Variants in HERC2 observed in about 807,000 individuals in gnomAD.
The protein encoded by HERC2 is E3 ubiquitin-protein ligase HERC2.
A neutral mutation model predicts 537.7 loss-of-function variants in HERC2; 102 were observed. The ratio of observed to expected loss-of-function variants is 0.19; its 90% CI spans 0.16 to 0.22. The LOEUF is 0.22. HERC2 is among the 10% of genes least tolerant of loss of function. The pLI, the probability that HERC2 is intolerant of heterozygous loss-of-function variation, is 1.00. For missense variants in HERC2, 4,236 were observed against 6,198.2 expected (o/e 0.68, Z 10.63); for synonymous variants, 2,224 against 2,466.2 (o/e 0.90, Z 2.91).
In HERC2 at chr15:28,198,329, C is replaced by T. The variant is rs377214876; in HGVS notation, c.8011+49G>A. 1.3e-5 allele frequency: 20 copies of T among 1,581,404 alleles called. No homozygotes were observed. In the African/African-American group the frequency reaches 1.6e-4, roughly 13 times the overall value. ...CAAAAAGAAATACTAAGTACACATG[C>T]GTTAATGAAAAGTTAACATCAGGAA... On this transcript the variant is annotated intron_variant, in intron 50 of 92. Transcript: ENST00000261609.
chr15:28,181,546 T>C (rs1317421699), intron 57 of HERC2, among the ~76,000 whole-genome samples: 1 of 152,234 alleles, frequency 6.6e-6, no homozygotes. Flanking sequence ...AAACGTATGA[T>C]GTGATGTCTC....
In HERC2 at chr15:28,179,185, C is replaced by G; in HGVS notation, c.8976G>C (p.Leu2992Phe). Reference protein sequence around the residue: ...VPSFSETLSALNVVQVAGGSK... With the variant: ...VPSFSETLSAFNVVQVAGGSK... Reference sequence around the variant, plus strand: ...ATCCACCAGCCACCTGTACCACATTCAAAGCTGACAGTGTCTCAGAGAACG... The same window carrying G: ...ATCCACCAGCCACCTGTACCACATTGAAAGCTGACAGTGTCTCAGAGAACG... Residue 2992 changes from leucine to phenylalanine, a missense_variant, in exon 58 of 93, where the codon TTG (leucine) becomes TTC (phenylalanine). This residue lies in a region of HERC2 where 606 missense variants were observed against 884.5 expected (regional missense o/e 0.69). Coordinates refer to ENST00000261609, the MANE Select transcript of HERC2 (RefSeq NM_004667.6). 6.2e-7 allele frequency: 1 copy of G among 1,612,876 alleles called. No individual in the cohort carries two copies. The highest frequency in any genetic ancestry group is 8.5e-7 in the Non-Finnish European group (1 of 1,179,586).
At position 28,269,245 on chromosome 15, in the gene HERC2, C is replaced by T. The variant is rs1241606281; in HGVS notation, c.1446+3G>A. The T allele has an allele frequency of 6.2e-7, 1 of 1,612,254 alleles. No individual in the cohort carries two copies. The highest frequency in any genetic ancestry group is 8.5e-7 in the Non-Finnish European group (1 of 1,179,008). On this transcript the variant is annotated splice_donor_region_variant and intron_variant, in intron 11 of 92. Coordinates refer to ENST00000261609, the MANE Select transcript of HERC2 (RefSeq NM_004667.6). The stretch of plus-strand genomic sequence containing the variant: ...CTGCAGGCACAGTGCCCAGAACACT[C>T]ACCAGCGTGTCACTATTATAGGCCT...
intron 78 of HERC2, among the ~76,000 whole-genome samples, chr15:28,138,280 A>C (rs1276014157): frequency 6.6e-6 from 1 of 152,214 alleles, no homozygotes; most frequent in Non-Finnish European, 1.5e-5. Context: ...CAGGCTTTCA[A>C]CGTAGATGGA....
intron 2 of HERC2, among the ~76,000 whole-genome samples, chr15:28,311,029 A>T (rs2076928132): frequency 7.8e-6 from 1 of 127,778 alleles, no homozygotes; most frequent in Non-Finnish European, 1.6e-5. Flanking sequence ...GTGAGTGGAG[A>T]TCGCACCACA....
chr15:28,190,172 CTAATT>C (rs1896711615), intron 55 of HERC2: 1 of 143,722 alleles, frequency 7.0e-6, no homozygotes, highest in African/African-American at 2.6e-5. Flanking sequence ...CTACGCCCGG[CTAATT>C]TTTTTTTTTT....
intron 4 of HERC2, among the ~76,000 whole-genome samples, chr15:28,288,178 C>T (rs1234284153): frequency 3.3e-5 from 5 of 152,038 alleles, no homozygotes; most frequent in African/African-American, 4.8e-5. Flanking sequence ...TGAAGGAAAA[C>T]GATAACACAA....
intron 83 of HERC2, among the ~76,000 whole-genome samples, chr15:28,128,123 T>C (rs1889705843): frequency 1.3e-5 from 2 of 152,070 alleles, no homozygotes; most frequent in African/African-American, 2.4e-5. Context: ...AACAGAAGAA[T>C]GTGCTACAAA....
chr15:28,275,597 A>G (rs565687813), intron 5 of HERC2, among the ~76,000 whole-genome samples: 1 of 152,308 alleles, frequency 6.6e-6, no homozygotes, highest in South Asian at 2.1e-4. Flanking sequence ...GCATGTTCTA[A>G]AAGGTTATGC....
intron 45 of HERC2, chr15:28,203,492 G>A (rs1192465866): frequency 6.6e-6 from 1 of 152,076 alleles, no homozygotes; most frequent in Non-Finnish European, 1.5e-5. Flanking sequence ...TGAGAGTTAG[G>A]ATGCACTGGA....
rs1349133969 is a variant in HERC2, at chr15:28,168,481, T to G, written c.10339A>C (p.Asn3447His). The change falls in exon 67 of 93, where the codon AAT (asparagine) becomes CAT (histidine). Residue 3447 changes from asparagine (N) to histidine (H), a missense_variant. Asn to His is a moderately conservative substitution (Grantham distance 68, BLOSUM62 1). Transcript: ENST00000261609. The part of the protein sequence containing the change: ...SDASAMASPM[N>H]GEECMLAVDI... ...ACAGCCAGCATGCATTCTTCTCCAT[T>G]CATGGGACTAGCCATCGCAGATGCG... The G allele has an allele frequency of 6.2e-7, 1 of 1,614,116 alleles. No homozygotes were observed. Among genetic ancestry groups the G allele is most frequent in the African/African-American group, 1.3e-5 (1 of 74,944 alleles).
chr15:28,128,845 G>T (rs1372773043), intron 83 of HERC2, among the ~76,000 whole-genome samples: 1 of 152,174 alleles, frequency 6.6e-6, no homozygotes, highest in Non-Finnish European at 1.5e-5. Flanking sequence ...CTGAGGTCCA[G>T]GTTCCTTGCT....
intron 37 of HERC2, among the ~76,000 whole-genome samples, chr15:28,219,706 C>T (rs1169124486): frequency 1.2e-4 from 18 of 152,186 alleles, no homozygotes; most frequent in African/African-American, 9.7e-5. Context: ...TCTAAGATCT[C>T]GTGCTCACTG....
At position 28,177,568 on chromosome 15, in the gene HERC2, T is replaced by C. The variant is rs1033414018; in HGVS notation, c.9164-59A>G. ...GGCAGGGAACAGAAAGCCCACAGCATAGCTAGCTCCCTATTTTGCCTGGCA... is the reference window on the plus strand; with the variant it reads ...GGCAGGGAACAGAAAGCCCACAGCACAGCTAGCTCCCTATTTTGCCTGGCA... On this transcript the variant is annotated intron_variant, in intron 59 of 92. Transcript: ENST00000261609. The surrounding 1 kb of genome is among the most constrained non-coding windows in gnomAD (Gnocchi z 5.0). The C allele has an allele frequency of 4.7e-6, 7 of 1,494,506 alleles. No individual in the cohort carries two copies. The highest frequency in any genetic ancestry group is 1.1e-5 in the South Asian group (1 of 88,594). 92.6% of individuals were successfully genotyped at this position (1,494,506 alleles called of 1,614,324 possible).
At chr15:28,135,278 C>T (rs62007544) in intron 79 of HERC2, among the ~76,000 whole-genome samples, 200 bp downstream of exon 79, 2 of 152,010 alleles carry the variant, frequency 1.3e-5, no homozygotes, top group East Asian at 1.9e-4. Flanking sequence ...TTTTTTTTCC[C>T]TCTCAACAGA....
At chr15:28,301,041 G>A (rs1037407399) in intron 2 of HERC2, among the ~76,000 whole-genome samples, 3 of 151,878 alleles carry the variant, frequency 2.0e-5, no homozygotes, top group Non-Finnish European at 4.4e-5. Flanking sequence ...AATAAAAGAC[G>A]CTAGGGCTCT....
At chr15:28,139,543 G>T (rs1446845509) in intron 78 of HERC2, among the ~76,000 whole-genome samples, 1 of 152,178 alleles carries the variant, frequency 6.6e-6, no homozygotes, top group Non-Finnish European at 1.5e-5. Flanking sequence ...GAGCTATGCT[G>T]CATCCAGAGT....
intron 52 of HERC2, 73 bp downstream of exon 52, chr15:28,196,142 C>A (rs1258738735): frequency 7.9e-6 from 11 of 1,387,172 alleles, no homozygotes; most frequent in Non-Finnish European, 1.1e-5. Context: ...TAACAAATTC[C>A]AATACACTGT....
chr15:28,238,868 A>G, intron 23 of HERC2, 96 bp from the exon 24 acceptor site: 3 of 895,436 alleles, frequency 3.4e-6, no homozygotes, highest in Non-Finnish European at 5.6e-6. Flanking sequence ...GAAATAAACA[A>G]ACCCACAATC....
Sources: allele counts gnomAD v4.1 joint callset (sites outside exome capture counted in the v4.1 genomes callset), GRCh38; gene constraint gnomAD v4.1.1; regional missense constraint gnomAD v4.1.1; non-coding constraint Gnocchi (gnomAD v3.1); transcripts MANE v1.5; gene names NCBI Gene and HGNC (gene_info 2026-07-23, HGNC 2026-07-21).